Variants in KCNH7 observed in about 807,000 individuals in gnomAD.
The protein encoded by KCNH7 is voltage-gated inwardly rectifying potassium channel KCNH7.
In KCNH7, 49 loss-of-function variants were observed where a neutral mutation model predicts 120.8. That is an observed-to-expected ratio of 0.41 (90% CI 0.32 to 0.51). The LOEUF is 0.51. Among genes scored for constraint, KCNH7 ranks in the 20% least tolerant of loss-of-function variants. The pLI is 0.38. For missense variants in KCNH7, 1,097 were observed against 1,446.6 expected, an observed-to-expected ratio of 0.76 and a Z score of 3.92; for synonymous variants, 547 against 516.1, an observed-to-expected ratio of 1.06 and a Z score of -0.81.
intron 2 of KCNH7, among the ~76,000 whole-genome samples, chr2:162,541,693 C>T (rs776053626): frequency 2.6e-5 from 4 of 151,884 alleles, no homozygotes; most frequent in Non-Finnish European, 4.4e-5. Flanking sequence ...CTGTAAGAGG[C>T]GGGGGATCGG....
intron 6 of KCNH7, among the ~76,000 whole-genome samples, chr2:162,488,305 T>C (rs1690171569): frequency 6.6e-6 from 1 of 152,220 alleles, no homozygotes; most frequent in Non-Finnish European, 1.5e-5. Context: ...ACCTGATTTT[T>C]TGTCCAACAG....
chr2:162,463,810 A>C (rs1196648097), intron 6 of KCNH7, among the ~76,000 whole-genome samples: 5 of 151,186 alleles, frequency 3.3e-5, no homozygotes, highest in South Asian at 4.1e-4. Flanking sequence ...ATAACAAAAA[A>C]GTAAAAAAAA....
intron 6 of KCNH7, among the ~76,000 whole-genome samples, chr2:162,454,111 C>T (rs1270177501): frequency 6.6e-6 from 1 of 152,038 alleles, no homozygotes; most frequent in African/African-American, 2.4e-5. Flanking sequence ...GTCTTTAATC[C>T]ATTTTGAGTT....
chr2:162,791,297 G>T (rs373467978), intron 2 of KCNH7, among the ~76,000 whole-genome samples: 8 of 151,708 alleles, frequency 5.3e-5, no homozygotes, highest in Non-Finnish European at 1.0e-4. Context: ...TTAAAAATAG[G>T]TTTTTTTTCC....
At chr2:162,566,137 G>T (rs1214861840) in intron 2 of KCNH7, among the ~76,000 whole-genome samples, 2 of 151,896 alleles carry the variant, frequency 1.3e-5, no homozygotes, top group Admixed American at 6.6e-5. Context: ...GCTGCCTTTT[G>T]GGGAATCTAC....
intron 6 of KCNH7, among the ~76,000 whole-genome samples, chr2:162,476,122 C>G (rs529366891): frequency 6.6e-6 from 1 of 152,300 alleles, no homozygotes; most frequent in East Asian, 1.9e-4. Context: ...CCTCCCAAAG[C>G]CTGCCATCTC....
At chr2:162,811,594 C>T (rs1314942036) in intron 2 of KCNH7, among the ~76,000 whole-genome samples, 1 of 151,980 alleles carries the variant, frequency 6.6e-6, no homozygotes, top group African/African-American at 2.4e-5. Flanking sequence ...ATAAATCTGG[C>T]AGTTTGAAAA....
chr2:162,587,589 A>T (rs1165298991), intron 2 of KCNH7, among the ~76,000 whole-genome samples: 1 of 152,096 alleles, frequency 6.6e-6, no homozygotes, highest in Non-Finnish European at 1.5e-5. Flanking sequence ...ACACACACAC[A>T]CGCAAGCACA....
intron 2 of KCNH7, among the ~76,000 whole-genome samples, chr2:162,540,796 C>T (rs2105835283): frequency 6.6e-6 from 1 of 152,160 alleles, no homozygotes; most frequent in South Asian, 2.1e-4. Context: ...AACTTTCCTT[C>T]ACATGTGTGT....
chr2:162,477,954 G>A (rs1356620102), intron 6 of KCNH7, among the ~76,000 whole-genome samples: 11 of 151,762 alleles, frequency 7.2e-5, no homozygotes, highest in Non-Finnish European at 2.9e-5. Flanking sequence ...TTAGTCACTA[G>A]TGGGGCAAAA....
chr2:162,640,133 A>T (rs1323534008), intron 2 of KCNH7, among the ~76,000 whole-genome samples: 3 of 152,174 alleles, frequency 2.0e-5, no homozygotes. Context: ...AAATTGCTAT[A>T]CCGGTTTAAC....
At chr2:162,612,015 G>C (rs1682986543) in intron 2 of KCNH7, among the ~76,000 whole-genome samples, 1 of 152,144 alleles carries the variant, frequency 6.6e-6, no homozygotes, top group African/African-American at 2.4e-5. Context: ...ATAAAGGATA[G>C]AATTTCACTT....
chr2:162,608,470 T>C (rs76853129), intron 2 of KCNH7, among the ~76,000 whole-genome samples: 3,493 of 152,258 alleles, frequency 0.023, 130 homozygotes, highest in East Asian at 0.18. Context: ...GTTAGTATAA[T>C]TTCCTCTCCC....
At chr2:162,680,987 A>T (rs1685691734) in intron 2 of KCNH7, among the ~76,000 whole-genome samples, 1 of 151,716 alleles carries the variant, frequency 6.6e-6, no homozygotes, top group Non-Finnish European at 1.5e-5. Flanking sequence ...AATCCTTTTT[A>T]TTTAATCATT....
chr2:162,753,637 T>C (rs1160406759), intron 2 of KCNH7, among the ~76,000 whole-genome samples: 1 of 152,152 alleles, frequency 6.6e-6, no homozygotes. Flanking sequence ...CTGTTGGAAC[T>C]AAAAACTTTA....
intron 2 of KCNH7, among the ~76,000 whole-genome samples, chr2:162,835,469 A>G (rs1685629780): frequency 6.6e-6 from 1 of 152,068 alleles, no homozygotes; most frequent in African/African-American, 2.4e-5. Context: ...TAAAAATCTG[A>G]ACAGCTACCC....
chr2:162,650,065 T>C (rs1407394570), intron 2 of KCNH7, among the ~76,000 whole-genome samples: 2 of 152,184 alleles, frequency 1.3e-5, no homozygotes, highest in Non-Finnish European at 2.9e-5. Flanking sequence ...TTACATGCTA[T>C]TTAGCTCATT....
At chr2:162,634,927 T>A (rs1683904263) in intron 2 of KCNH7, among the ~76,000 whole-genome samples, 1 of 152,104 alleles carries the variant, frequency 6.6e-6, no homozygotes, top group Admixed American at 6.6e-5. Context: ...GTTCTCTTTA[T>A]TCTTTTGTAA....
chr2:162,576,311 C>A (rs1275619195), intron 2 of KCNH7, among the ~76,000 whole-genome samples: 1 of 152,048 alleles, frequency 6.6e-6, no homozygotes, highest in African/African-American at 2.4e-5. Context: ...AACTTCTCTG[C>A]AACTTTGCCG....
Sources: allele counts gnomAD v4.1 joint callset (sites outside exome capture counted in the v4.1 genomes callset), GRCh38; gene constraint gnomAD v4.1.1; transcripts MANE v1.5; gene names NCBI Gene and HGNC (gene_info 2026-07-23, HGNC 2026-07-21).